The following NPAS3 variants were observed in gnomAD, a reference collection of about 807,000 sequenced individuals.
The protein encoded by NPAS3 is neuronal PAS domain protein 3, also known as neuronal PAS domain-containing protein 3.
A neutral mutation model predicts 73.1 loss-of-function variants in NPAS3; 14 were observed. The ratio of observed to expected loss-of-function variants is 0.19; its 90% CI spans 0.13 to 0.30. The LOEUF (loss-of-function observed/expected upper bound fraction) is 0.30. Among genes scored for constraint, NPAS3 ranks in the 10% least tolerant of loss-of-function variants. The pLI is 1.00. For synonymous variants in NPAS3, 620 were observed against 541.5 expected (o/e 1.14, Z -2.01); for missense variants, 1,096 against 1,250.0 (o/e 0.88, Z 1.86).
At chr14:33,474,199 T>C (rs1208769407) in intron 4 of NPAS3, among the ~76,000 whole-genome samples, 1 of 152,038 alleles carries the variant, frequency 6.6e-6, no homozygotes, top group African/African-American at 2.4e-5. Context: ...GGGGTATAGA[T>C]TGGAGGGGGA....
At chr14:33,135,272 C>A (rs1394792779) in intron 2 of NPAS3, among the ~76,000 whole-genome samples, 1 of 152,088 alleles carries the variant, frequency 6.6e-6, no homozygotes, top group Non-Finnish European at 1.5e-5. Context: ...CCAATGTTGA[C>A]CTTTCAGCAA....
chr14:33,000,370 T>C (rs1404128347), intron 1 of NPAS3, among the ~76,000 whole-genome samples: 2 of 152,182 alleles, frequency 1.3e-5, no homozygotes, highest in Admixed American at 1.3e-4. Context: ...TGTTTCTCCA[T>C]ACTGCATTAT....
chr14:33,529,368 G>A (rs1372974624), intron 4 of NPAS3, among the ~76,000 whole-genome samples: 1 of 152,054 alleles, frequency 6.6e-6, no homozygotes, highest in Non-Finnish European at 1.5e-5. Context: ...GGGTATTTTA[G>A]ACAAAATAAC....
At chr14:33,322,911 C>A (rs1207538316) in intron 3 of NPAS3, among the ~76,000 whole-genome samples, 1 of 152,114 alleles carries the variant, frequency 6.6e-6, no homozygotes, top group Non-Finnish European at 1.5e-5. Flanking sequence ...TGATAAAAAT[C>A]ATCAGAGATT....
Position 33,772,219 on chromosome 14 carries a change from C to G in NPAS3, c.853-2118C>G, listed in dbSNP as rs115545485. 1.8e-3 allele frequency among the ~76,000 whole-genome samples: 268 copies of G among 152,304 alleles called. 1 individual carries two copies. The highest frequency in any genetic ancestry group is 6.2e-3 in the African/African-American group (256 of 41,570). On this transcript the variant is annotated intron_variant, in intron 7 of 11. Transcript: ENST00000356141. ...TTACAGTTTATAGTCACCGTTATCT[C>G]CATTTCACAGAAAAGGAAATTGAGA...
intron 2 of NPAS3, among the ~76,000 whole-genome samples, chr14:33,138,383 G>C (rs1055069031): frequency 1.3e-5 from 2 of 152,092 alleles, no homozygotes; most frequent in Non-Finnish European, 2.9e-5. Context: ...TAGTCATACA[G>C]TAATTATTAC....
chr14:33,342,263 A>G (rs12587604), intron 3 of NPAS3, among the ~76,000 whole-genome samples: 7,257 of 152,278 alleles, frequency 0.048, 470 homozygotes, highest in East Asian at 0.21. Context: ...AGTTCTTCAA[A>G]TAGAACTGCT....
At chr14:33,498,989 T>TGG (rs2052379470) in intron 4 of NPAS3, among the ~76,000 whole-genome samples, 2 of 118,296 alleles carry the variant, frequency 1.7e-5, no homozygotes, top group Non-Finnish European at 3.6e-5. Flanking sequence ...TGTGTGTGTG[T>TGG]GGTGGGAAGG....
chr14:33,200,377 A>G (rs76570105), intron 2 of NPAS3, among the ~76,000 whole-genome samples: 35,496 of 151,922 alleles, frequency 0.23, 5,102 homozygotes, highest in Non-Finnish European at 0.34. Flanking sequence ...CAGAAACACA[A>G]TCACTCAGAG....
At chr14:33,004,988 C>G (rs2038950866) in intron 1 of NPAS3, among the ~76,000 whole-genome samples, 1 of 151,900 alleles carries the variant, frequency 6.6e-6, no homozygotes. Context: ...TTGGAGCCGT[C>G]ATCTCCTATG....
At chr14:33,176,343 C>T (rs945228119) in intron 2 of NPAS3, among the ~76,000 whole-genome samples, 1 of 152,140 alleles carries the variant, frequency 6.6e-6, no homozygotes, top group Non-Finnish European at 1.5e-5. Flanking sequence ...CAAACAAACT[C>T]TGTACCCATT....
At chr14:33,605,393 T>TA (rs57109563) in intron 5 of NPAS3, among the ~76,000 whole-genome samples, 69,649 of 137,084 alleles carry the variant, frequency 0.51, 18,164 homozygotes, top group Non-Finnish European at 0.58. Context: ...GCATTCAAAT[T>TA]AAAAAAAAAA....
At chr14:33,697,457 A>T (rs575757912) in intron 6 of NPAS3, among the ~76,000 whole-genome samples, 1 of 152,310 alleles carries the variant, frequency 6.6e-6, no homozygotes, top group South Asian at 2.1e-4. Flanking sequence ...TTCATTTTTC[A>T]ACATATAATT....
intron 3 of NPAS3, among the ~76,000 whole-genome samples, chr14:33,268,586 T>C (rs1024270199): frequency 6.6e-6 from 1 of 152,170 alleles, no homozygotes; most frequent in Non-Finnish European, 1.5e-5. Flanking sequence ...GGTTTGCAGA[T>C]TTGCTTCATG....
At chr14:33,493,778 T>C (rs531394372) in intron 4 of NPAS3, among the ~76,000 whole-genome samples, 2 of 152,270 alleles carry the variant, frequency 1.3e-5, no homozygotes, top group East Asian at 3.9e-4. Context: ...CTGAAGCGAA[T>C]TTAAATGGCT....
chr14:33,453,628 G>T (rs995783713), intron 4 of NPAS3, among the ~76,000 whole-genome samples: 2 of 152,176 alleles, frequency 1.3e-5, no homozygotes, highest in Admixed American at 1.3e-4. Context: ...GAAAAATGGG[G>T]CCAGCATTCT....
chr14:33,518,194 C>CG (rs1435516040), intron 4 of NPAS3, among the ~76,000 whole-genome samples: 2 of 151,480 alleles, frequency 1.3e-5, no homozygotes, highest in Non-Finnish European at 2.9e-5. Flanking sequence ...GCTCAGGCAG[C>CG]GGGGGAGCCT....
At chr14:33,392,343 A>G (rs1014361601) in intron 4 of NPAS3, among the ~76,000 whole-genome samples, 1 of 152,178 alleles carries the variant, frequency 6.6e-6, no homozygotes, top group Non-Finnish European at 1.5e-5. Flanking sequence ...CAACCTCCCA[A>G]TGAAATAGCT....
At chr14:33,708,087 C>A (rs550009667) in intron 6 of NPAS3, among the ~76,000 whole-genome samples, 2 of 152,256 alleles carry the variant, frequency 1.3e-5, no homozygotes, top group East Asian at 3.9e-4. Context: ...GCAGCAGCAG[C>A]AGCAGCAGCA....
Sources: gnomAD v4.1 joint callset for allele counts (sites outside exome capture counted in the v4.1 genomes callset) on GRCh38, gnomAD v4.1.1 for gene constraint, MANE v1.5 for transcripts, NCBI Gene and HGNC (gene_info 2026-07-23, HGNC 2026-07-21) for gene names.